KCNIP4: variants seen among roughly 807,000 people sequenced by gnomAD.
The protein encoded by KCNIP4 is potassium voltage-gated channel interacting protein 4.
In KCNIP4, 12 loss-of-function variants were observed where a neutral mutation model predicts 34.0. The observed-to-expected ratio is 0.35, with a 90% CI of 0.23 to 0.57. The LOEUF is 0.57. Among genes scored for constraint, KCNIP4 ranks in the 20% least tolerant of loss-of-function variants. The probability of loss-of-function intolerance (pLI) is 0.83; values close to 1 mark genes in which losing one functional copy is unlikely to be tolerated. For missense variants in KCNIP4, 238 were observed against 311.7 expected, an observed-to-expected ratio of 0.76 and a Z score of 1.78; for synonymous variants, 124 against 102.2, an observed-to-expected ratio of 1.21 and a Z score of -1.29.
At chr4:21,670,314 C>T (rs56041988) in intron 1 of KCNIP4, among the ~76,000 whole-genome samples, 1,557 of 151,114 alleles carry the variant, frequency 0.01, 9 homozygotes, top group Middle Eastern at 0.017. Flanking sequence ...AGTAAACTAT[C>T]GCAAGAACAA....
chr4:21,214,626 C>A (rs926648634), intron 1 of KCNIP4, among the ~76,000 whole-genome samples: 1 of 152,096 alleles, frequency 6.6e-6, no homozygotes, highest in Non-Finnish European at 1.5e-5. Context: ...GGACAAAAGG[C>A]CTTACCATTG....
intron 1 of KCNIP4, among the ~76,000 whole-genome samples, chr4:21,254,168 A>T (rs1027976222): frequency 6.6e-6 from 1 of 152,244 alleles, no homozygotes; most frequent in Non-Finnish European, 1.5e-5. Flanking sequence ...ATATGCATAC[A>T]TGCATACATT....
At chr4:20,895,408 A>T (rs1361919507) in intron 1 of KCNIP4, among the ~76,000 whole-genome samples, 1 of 152,164 alleles carries the variant, frequency 6.6e-6, no homozygotes, top group Admixed American at 6.6e-5. Context: ...AGGAGATCCA[A>T]TTTTTTCATC....
chr4:21,041,191 G>A (rs557342524), intron 1 of KCNIP4, among the ~76,000 whole-genome samples: 8 of 151,768 alleles, frequency 5.3e-5, no homozygotes, highest in South Asian at 2.1e-4. Context: ...TGTGACATGT[G>A]GTAGAGATAC....
At chr4:21,022,804 C>T (rs1740192374) in intron 1 of KCNIP4, among the ~76,000 whole-genome samples, 1 of 151,992 alleles carries the variant, frequency 6.6e-6, no homozygotes, top group African/African-American at 2.4e-5. Context: ...TACTGCTATC[C>T]TATAAGTTTT....
intron 1 of KCNIP4, among the ~76,000 whole-genome samples, chr4:21,086,531 T>G (rs2109031607): frequency 6.6e-6 from 1 of 152,308 alleles, no homozygotes; most frequent in African/African-American, 2.4e-5. Flanking sequence ...CTGGGCTGCT[T>G]ACTGTACTTT....
intron 1 of KCNIP4, among the ~76,000 whole-genome samples, chr4:21,307,066 C>A (rs76342883): frequency 0.011 from 1,740 of 152,182 alleles, 37 homozygotes; most frequent in African/African-American, 0.039. Flanking sequence ...AGGTGATATG[C>A]CCACCTTGGA....
chr4:21,264,766 C>A (rs1761690107), intron 1 of KCNIP4, among the ~76,000 whole-genome samples: 1 of 151,972 alleles, frequency 6.6e-6, no homozygotes, highest in Non-Finnish European at 1.5e-5. Flanking sequence ...CGAGAAGGTG[C>A]AAAAACCAGA....
chr4:20,943,220 C>T (rs1731832707), intron 1 of KCNIP4, among the ~76,000 whole-genome samples: 1 of 152,068 alleles, frequency 6.6e-6, no homozygotes, highest in African/African-American at 2.4e-5. Flanking sequence ...TTCAGTGATG[C>T]TATAATGGTC....
intron 1 of KCNIP4, among the ~76,000 whole-genome samples, chr4:21,481,123 T>C (rs936257686): frequency 6.6e-6 from 1 of 152,142 alleles, no homozygotes; most frequent in East Asian, 1.9e-4. Context: ...GAAATTAGTA[T>C]AGGAAGTAGA....
intron 1 of KCNIP4, among the ~76,000 whole-genome samples, chr4:21,838,605 C>T (rs1425275728): frequency 2.0e-5 from 3 of 152,100 alleles, no homozygotes; most frequent in Non-Finnish European, 4.4e-5. Flanking sequence ...TTTATGAATT[C>T]GTATTGGGCT....
chr4:21,612,721 A>G (rs1744254880), intron 1 of KCNIP4, among the ~76,000 whole-genome samples: 1 of 152,222 alleles, frequency 6.6e-6, no homozygotes, highest in African/African-American at 2.4e-5. Flanking sequence ...AAAGCTGATT[A>G]ATTCAGCAAA....
intron 1 of KCNIP4, among the ~76,000 whole-genome samples, chr4:21,775,433 A>C (rs1340224833): frequency 6.6e-6 from 1 of 152,060 alleles, no homozygotes; most frequent in Non-Finnish European, 1.5e-5. Context: ...GGAAGTCCTC[A>C]CCCAGCTGAG....
intron 1 of KCNIP4, chr4:21,762,848 T>C (rs1718151971): frequency 1.1e-6 from 1 of 937,672 alleles, no homozygotes; most frequent in South Asian, 1.5e-5. Context: ...TATATAAGTG[T>C]GAGAAAGGAA....
At chr4:21,012,905 C>T (rs373719071) in intron 1 of KCNIP4, among the ~76,000 whole-genome samples, 13 of 152,280 alleles carry the variant, frequency 8.5e-5, no homozygotes, top group African/African-American at 3.1e-4. Flanking sequence ...TTCTAGGTAA[C>T]ATATTTACCC....
At chr4:21,930,528 T>C (rs938142182) in intron 1 of KCNIP4, among the ~76,000 whole-genome samples, 49 of 152,120 alleles carry the variant, frequency 3.2e-4, no homozygotes, top group Admixed American at 3.3e-4. Flanking sequence ...ACCATCTACT[T>C]TTCCAGTCTT....
At chr4:20,999,438 G>GT (rs56952036) in intron 1 of KCNIP4, among the ~76,000 whole-genome samples, 2,438 of 45,508 alleles carry the variant, frequency 0.054, 59 homozygotes, top group Middle Eastern at 0.12. Context: ...TTTGTTTTTT[G>GT]TTTTTTTTTT....
intron 1 of KCNIP4, among the ~76,000 whole-genome samples, chr4:21,258,504 G>A (rs1761230849): frequency 6.6e-6 from 1 of 152,098 alleles, no homozygotes; most frequent in African/African-American, 2.4e-5. Flanking sequence ...TTTTATGAGG[G>A]AGGCAGATTA....
At chr4:21,465,799 A>G (rs554053016) in intron 1 of KCNIP4, among the ~76,000 whole-genome samples, 7 of 152,290 alleles carry the variant, frequency 4.6e-5, no homozygotes, top group Admixed American at 1.3e-4. Context: ...GCAAATAACA[A>G]TTCTTGGCTC....
Sources: gnomAD v4.1 joint callset for allele counts (sites outside exome capture counted in the v4.1 genomes callset) on GRCh38, gnomAD v4.1.1 for gene constraint, MANE v1.5 for transcripts, NCBI Gene and HGNC (gene_info 2026-07-23, HGNC 2026-07-21) for gene names.